PIEZO2: variants seen among roughly 807,000 people sequenced by gnomAD.
PIEZO2 encodes the protein piezo type mechanosensitive ion channel component 2, also known as piezo-type mechanosensitive ion channel component 2.
PIEZO2 carries 172 observed loss-of-function variants against 337.3 expected under a neutral mutation model. The observed-to-expected ratio is 0.51, with a 90% CI of 0.45 to 0.58. PIEZO2 has a LOEUF of 0.58. Ranked by LOEUF, PIEZO2 falls within the 20% of genes least tolerant of loss-of-function variation. PIEZO2 has a pLI of 0.00. For synonymous variants in PIEZO2, 1,251 were observed against 1,228.5 expected (o/e 1.02, Z -0.38); for missense variants, 3,028 against 3,391.3 (o/e 0.89, Z 2.66).
rs1187790996 is a variant in PIEZO2, at chr18:10,819,283, T to C, written c.918-12009A>G. On this transcript the variant is annotated intron_variant, in intron 7 of 55. Transcript: ENST00000674853. This position sits in a 1 kb window ranked among gnomAD's most constrained non-coding sequence, Gnocchi z 4.3. Reference sequence around the variant, plus strand: ...AATATTTATAAATGGTATACTGTTTTTTGGATAAAGAGGCAATCTTTAAAA... The same window carrying C: ...AATATTTATAAATGGTATACTGTTTCTTGGATAAAGAGGCAATCTTTAAAA... Among the ~76,000 whole-genome samples, 1 of 152,242 alleles carries C rather than the reference T, an allele frequency of 6.6e-6. No individual in the cohort carries two copies. The highest frequency in any genetic ancestry group is 1.5e-5 in the Non-Finnish European group (1 of 68,036).
intron 27 of PIEZO2, among the ~76,000 whole-genome samples, chr18:10,757,178 G>A (rs1046706929): frequency 2.4e-4 from 36 of 149,844 alleles, no homozygotes; most frequent in South Asian, 4.3e-4. Flanking sequence ...ATGTGGATAC[G>A]AATGAGGGAT....
intron 49 of PIEZO2, among the ~76,000 whole-genome samples, chr18:10,687,864 G>A (rs1446026306): frequency 6.6e-6 from 1 of 152,120 alleles, no homozygotes; most frequent in Non-Finnish European, 1.5e-5. Flanking sequence ...CACCCAGTTG[G>A]GCCACCAGAC....
chr18:11,089,290 T>C (rs1430535338), intron 1 of PIEZO2, among the ~76,000 whole-genome samples: 1 of 152,166 alleles, frequency 6.6e-6, no homozygotes, highest in Non-Finnish European at 1.5e-5. Context: ...ACAGAATGCT[T>C]AGGCTTATCG....
chr18:10,923,090 T>C (rs1568203002), intron 3 of PIEZO2, among the ~76,000 whole-genome samples: 2 of 152,148 alleles, frequency 1.3e-5, no homozygotes, highest in South Asian at 2.1e-4. Flanking sequence ...CCAGTAACCA[T>C]AATTTAAGTG....
At chr18:10,873,099 G>A (rs1034503498) in intron 4 of PIEZO2, among the ~76,000 whole-genome samples, 5 of 151,986 alleles carry the variant, frequency 3.3e-5, no homozygotes, top group African/African-American at 7.3e-5. Flanking sequence ...CACTGTATTC[G>A]TTTACATTAT....
intron 2 of PIEZO2, among the ~76,000 whole-genome samples, chr18:11,019,835 A>G (rs1462017002): frequency 1.3e-5 from 2 of 152,110 alleles, no homozygotes; most frequent in African/African-American, 2.4e-5. Context: ...AGTACTAATG[A>G]CAATCTGTAA....
Position 11,143,895 on chromosome 18 carries a change from A to G in PIEZO2, c.64+4630T>C, listed in dbSNP as rs935070092. ...TTATACAAGGTGTGCTGTGCACACT[A>G]TCTCACAACCATGCATGTAATTCTT... On this transcript the variant is annotated intron_variant, in intron 1 of 55. Coordinates refer to ENST00000674853, the MANE Select transcript of PIEZO2 (RefSeq NM_001378183.1). The surrounding 1 kb of genome is among the most constrained non-coding windows in gnomAD (Gnocchi z 4.9). Among the ~76,000 whole-genome samples the G allele has an allele frequency of 6.6e-5, 10 of 152,238 alleles. No individual in the cohort carries two copies. The highest frequency in any genetic ancestry group is 2.4e-4 in the African/African-American group (10 of 41,470).
intron 3 of PIEZO2, among the ~76,000 whole-genome samples, chr18:10,944,311 A>C (rs2032889866): frequency 6.6e-6 from 1 of 151,892 alleles, no homozygotes; most frequent in East Asian, 1.9e-4. Context: ...AAAAACTAAA[A>C]AATAAAAAGA....
chr18:10,873,232 GC>G (rs1197176678), intron 4 of PIEZO2, among the ~76,000 whole-genome samples: 1 of 152,106 alleles, frequency 6.6e-6, no homozygotes, highest in Non-Finnish European at 1.5e-5. Context: ...CATTTTCTGA[GC>G]AGTTACTTCG....
At chr18:11,082,163 A>T (rs963907109) in intron 1 of PIEZO2, among the ~76,000 whole-genome samples, 4 of 152,210 alleles carry the variant, frequency 2.6e-5, no homozygotes, top group Non-Finnish European at 5.9e-5. Flanking sequence ...CAGCTACTTT[A>T]TCAGTAAGAC....
Position 10,773,306 on chromosome 18 carries a change from T to C in PIEZO2, c.2785+106A>G. On this transcript the variant is annotated intron_variant, in intron 20 of 55. Coordinates refer to ENST00000674853, the MANE Select transcript of PIEZO2 (RefSeq NM_001378183.1). This position sits in a 1 kb window ranked among gnomAD's most constrained non-coding sequence, Gnocchi z 5.3. ...AACAAAAACCACTCCAATTTTTATG[T>C]CATGGACTGGGTCAAATATATATTC... 1 of 1,162,770 alleles carries C rather than the reference T, an allele frequency of 8.6e-7. No individual in the cohort carries two copies. Among genetic ancestry groups the C allele is most frequent in the Non-Finnish European group, 1.2e-6 (1 of 821,936 alleles). The allele number at this position is 1,162,770 out of a possible 1,614,324, so 72.0% of individuals were successfully genotyped here.
intron 11 of PIEZO2, 134 bp downstream of exon 11, chr18:10,800,203 A>G (rs1473915283): frequency 8.0e-7 from 1 of 1,249,730 alleles, no homozygotes; most frequent in Non-Finnish European, 1.1e-6. Flanking sequence ...GGCAGAACTT[A>G]AAGAAGTGAG....
At chr18:11,023,193 G>A (rs1237036809) in intron 2 of PIEZO2, among the ~76,000 whole-genome samples, 2 of 152,148 alleles carry the variant, frequency 1.3e-5, no homozygotes, top group Non-Finnish European at 2.9e-5. Flanking sequence ...AGTTGCCACT[G>A]CTGGCTCGGG....
At chr18:11,119,769 GT>G (rs1371660243) in intron 1 of PIEZO2, among the ~76,000 whole-genome samples, 1 of 152,200 alleles carries the variant, frequency 6.6e-6, no homozygotes, top group Non-Finnish European at 1.5e-5. Flanking sequence ...AGGAATAGAT[GT>G]GGGAGGCGAC....
rs569360806 is a variant in PIEZO2 at position 11,101,793 on chromosome 18, G to A, written c.65-35571C>T. On this transcript the variant is annotated intron_variant, in intron 1 of 55. Transcript: ENST00000674853. This position sits in a 1 kb window ranked among gnomAD's most constrained non-coding sequence, Gnocchi z 4.4. ...TATCCTGAGGAAAAATGTAGACCCC[G>A]ACCAGGCAGAAGGCCTCGGCTACTC... is the stretch of plus-strand genomic sequence containing the variant. 6.6e-6 allele frequency among the ~76,000 whole-genome samples: 1 copy of A among 152,132 alleles called. No homozygotes were observed. Among genetic ancestry groups the A allele is most frequent in the Non-Finnish European group, 1.5e-5 (1 of 68,022 alleles).
chr18:11,051,949 G>T (rs112094398), intron 2 of PIEZO2, among the ~76,000 whole-genome samples: 7 of 152,318 alleles, frequency 4.6e-5, no homozygotes, highest in African/African-American at 1.7e-4. Context: ...AAAGCAGGAA[G>T]TAGACTGACC....
At chr18:11,090,142 A>G (rs922360466) in intron 1 of PIEZO2, among the ~76,000 whole-genome samples, 37 of 152,234 alleles carry the variant, frequency 2.4e-4, no homozygotes, top group African/African-American at 8.7e-4. Context: ...CCTCTTTTCT[A>G]TGGATTCTCC....
At chr18:10,805,464 C>T (rs1028670091) in intron 8 of PIEZO2, among the ~76,000 whole-genome samples, 3 of 152,080 alleles carry the variant, frequency 2.0e-5, no homozygotes, top group Non-Finnish European at 2.9e-5. Context: ...TGTGGTGACC[C>T]GAGATCATGC....
At chr18:10,698,469 T>G (rs2035195147) in intron 44 of PIEZO2, among the ~76,000 whole-genome samples, 1 of 152,238 alleles carries the variant, frequency 6.6e-6, no homozygotes, top group African/African-American at 2.4e-5. Context: ...ATCTACTTTC[T>G]GATTGTACTC....
Sources: allele counts gnomAD v4.1 joint callset (sites outside exome capture counted in the v4.1 genomes callset), GRCh38; gene constraint gnomAD v4.1.1; non-coding constraint Gnocchi (gnomAD v3.1); transcripts MANE v1.5; gene names NCBI Gene and HGNC (gene_info 2026-07-23, HGNC 2026-07-21).